SAMD4A: variants seen among roughly 807,000 people sequenced by gnomAD.
SAMD4A encodes protein Smaug homolog 1.
In SAMD4A, 33 loss-of-function variants were observed where a neutral mutation model predicts 81.3. The ratio of observed to expected loss-of-function variants is 0.41; its 90% CI spans 0.31 to 0.54. The LOEUF is 0.54. Among genes scored for constraint, SAMD4A ranks in the 20% least tolerant of loss-of-function variants. SAMD4A has a pLI of 0.37. For synonymous variants in SAMD4A, 389 were observed against 382.1 expected (o/e 1.02, Z -0.21); for missense variants, 854 against 951.1 (o/e 0.90, Z 1.34).
At chr14:54,629,785 T>C (rs556575812) in intron 2 of SAMD4A, among the ~76,000 whole-genome samples, 1 of 152,334 alleles carries the variant, frequency 6.6e-6, no homozygotes, top group Non-Finnish European at 1.5e-5. Context: ...TCTTTAGAAC[T>C]CTTTTAATCT....
At chr14:54,735,891 G>A (rs1390794962) in intron 3 of SAMD4A, among the ~76,000 whole-genome samples, 3 of 152,194 alleles carry the variant, frequency 2.0e-5, no homozygotes, top group African/African-American at 7.2e-5. Context: ...AAATTTGGGA[G>A]AGCAAATGCC....
chr14:54,698,035 G>A (rs916222762), intron 2 of SAMD4A, among the ~76,000 whole-genome samples: 12 of 152,146 alleles, frequency 7.9e-5, no homozygotes, highest in African/African-American at 2.4e-4. Context: ...GTCACATACC[G>A]CCATTTCCCC....
At chr14:54,629,112 C>T (rs574099678) in intron 2 of SAMD4A, among the ~76,000 whole-genome samples, 1 of 152,068 alleles carries the variant, frequency 6.6e-6, no homozygotes, top group African/African-American at 2.4e-5. Flanking sequence ...TATAAGAAGC[C>T]GACAATGCCA....
Position 54,760,257 on chromosome 14 carries a change from C to T in SAMD4A, c.1273C>T (p.Pro425Ser). The T allele has an allele frequency of 6.2e-7, 1 of 1,613,032 alleles. No homozygotes were observed. Among genetic ancestry groups the T allele is most frequent in the African/African-American group, 1.3e-5 (1 of 75,034 alleles). The part of the protein sequence containing the change: ...IKAYSSPSTT[P>S]EARRREPQAP... ...GGCCTACAGCTCCCCGAGCACCACC[C>T]CCGAGGCTCGCCGCCGGGAGCCCCA... The change falls in exon 7 of 13, where the codon CCC (proline) becomes TCC (serine). Residue 425 changes from proline to serine, a missense_variant. This residue lies in a region of SAMD4A where 428 missense variants were observed against 471.2 expected (regional missense o/e 0.91). Transcript: ENST00000554335.
At chr14:54,754,258 T>A (rs967855543) in intron 6 of SAMD4A, among the ~76,000 whole-genome samples, 1 of 152,160 alleles carries the variant, frequency 6.6e-6, no homozygotes, top group African/African-American at 2.4e-5. Context: ...ATTTTGCACC[T>A]AGAATAATAG....
intron 2 of SAMD4A, among the ~76,000 whole-genome samples, chr14:54,664,849 ACTTC>A (rs2035723334): frequency 6.6e-6 from 1 of 150,380 alleles, no homozygotes; most frequent in Admixed American, 6.6e-5. Context: ...ACACACACAC[ACTTC>A]CTTAAAATAA....
At chr14:54,630,505 C>G (rs2140336034) in intron 2 of SAMD4A, among the ~76,000 whole-genome samples, 1 of 152,258 alleles carries the variant, frequency 6.6e-6, no homozygotes, top group South Asian at 2.1e-4. Flanking sequence ...TCATTCAGGT[C>G]CTTTCCCAAT....
intron 4 of SAMD4A, among the ~76,000 whole-genome samples, chr14:54,739,231 C>A (rs1175007955): frequency 6.6e-6 from 1 of 151,628 alleles, no homozygotes; most frequent in Non-Finnish European, 1.5e-5. Context: ...GGGACAAAAG[C>A]CAAAATATTG....
intron 2 of SAMD4A, among the ~76,000 whole-genome samples, chr14:54,656,762 G>A (rs1463472738): frequency 2.0e-5 from 3 of 152,066 alleles, no homozygotes; most frequent in Non-Finnish European, 4.4e-5. Context: ...CAAGTAGCTG[G>A]GACTACAGGT....
At chr14:54,695,969 A>AAAAAG (rs1566590083) in intron 2 of SAMD4A, among the ~76,000 whole-genome samples, 13 of 149,670 alleles carry the variant, frequency 8.7e-5, no homozygotes, top group Admixed American at 2.7e-4. Context: ...AAAAAAAAAA[A>AAAAAG]AAAAGAAAAA....
At chr14:54,723,758 GCT>G (rs1158012909) in intron 3 of SAMD4A, among the ~76,000 whole-genome samples, 1 of 152,256 alleles carries the variant, frequency 6.6e-6, no homozygotes, top group East Asian at 1.9e-4. Context: ...TTTTATGAAT[GCT>G]CTTTTTGGCA....
chr14:54,575,096 A>G (rs1263009762), intron 2 of SAMD4A, among the ~76,000 whole-genome samples: 2 of 152,164 alleles, frequency 1.3e-5, no homozygotes, highest in Admixed American at 6.5e-5. Flanking sequence ...GAGAACTTAG[A>G]TGAAGGTTTA....
chr14:54,647,197 G>A (rs780556366), intron 2 of SAMD4A, among the ~76,000 whole-genome samples: 1 of 152,040 alleles, frequency 6.6e-6, no homozygotes, highest in Non-Finnish European at 1.5e-5. Context: ...TGTTTGATAC[G>A]TTATTATCAT....
chr14:54,574,742 T>A (rs1238938148), intron 2 of SAMD4A, among the ~76,000 whole-genome samples: 3 of 152,236 alleles, frequency 2.0e-5, no homozygotes, highest in Non-Finnish European at 4.4e-5. Context: ...ATGCTTTGAC[T>A]CTAACTAGCG....
chr14:54,737,391 C>A, intron 4 of SAMD4A, 104 bp downstream of exon 4: 1 of 1,353,350 alleles, frequency 7.4e-7, no homozygotes, highest in Admixed American at 2.2e-5. Flanking sequence ...GGAGCCCACC[C>A]CTTCCCCAGG....
At chr14:54,604,768 CAA>C (rs2034154786) in intron 2 of SAMD4A, among the ~76,000 whole-genome samples, 1 of 152,068 alleles carries the variant, frequency 6.6e-6, no homozygotes, top group South Asian at 2.1e-4. Flanking sequence ...ATCATACATA[CAA>C]AAGAGTATAT....
chr14:54,592,454 AT>A (rs965420678), intron 2 of SAMD4A, among the ~76,000 whole-genome samples: 2 of 151,594 alleles, frequency 1.3e-5, no homozygotes, highest in Non-Finnish European at 2.9e-5. Flanking sequence ...TTGTTAACAC[AT>A]TTTTTTTCTT....
rs563643579 is a variant in SAMD4A, at chr14:54,742,652, CTG to C, written c.979+5367_979+5368del. The stretch of plus-strand genomic sequence containing the variant: ...GTGAAGAGGGGTAGAGATTGGCACT[CTG>C]TTTCTCTTGCTGCGAGCTTCAGCCT... On this transcript the variant is annotated intron_variant, in intron 4 of 12. Coordinates refer to ENST00000554335, the MANE Select transcript of SAMD4A (RefSeq NM_015589.6). 7.2e-5 allele frequency among the ~76,000 whole-genome samples: 11 copies of C among 152,334 alleles called. No individual in the cohort carries two copies. In the East Asian group the frequency reaches 1.9e-3, roughly 27 times the overall value.
intron 3 of SAMD4A, among the ~76,000 whole-genome samples, chr14:54,711,958 C>T (rs1371073433): frequency 6.6e-6 from 1 of 152,114 alleles, no homozygotes; most frequent in Non-Finnish European, 1.5e-5. Context: ...TCCTTTTGCC[C>T]TTCACCTTTT....
Sources: allele counts gnomAD v4.1 joint callset (sites outside exome capture counted in the v4.1 genomes callset), GRCh38; gene constraint gnomAD v4.1.1; regional missense constraint gnomAD v4.1.1; transcripts MANE v1.5; gene names NCBI Gene and HGNC (gene_info 2026-07-23, HGNC 2026-07-21).